KIAA1958: variants seen among roughly 807,000 people sequenced by gnomAD.
The protein encoded by KIAA1958 is KIAA1958, also known as uncharacterized protein KIAA1958.
KIAA1958 carries 14 observed loss-of-function variants against 47.2 expected under a neutral mutation model. That is an observed-to-expected ratio of 0.30 (90% CI 0.20 to 0.46). KIAA1958 has a LOEUF of 0.46. KIAA1958 is among the 20% of genes least tolerant of loss of function. KIAA1958 has a pLI of 1.00. For missense variants in KIAA1958, 803 were observed against 909.2 expected (o/e 0.88, Z 1.50); for synonymous variants, 354 against 353.3 (o/e 1.00, Z -0.02).
intron 1 of KIAA1958, among the ~76,000 whole-genome samples, chr9:112,516,311 A>T (rs1056548479): frequency 6.6e-6 from 1 of 151,838 alleles, no homozygotes; most frequent in African/African-American, 2.4e-5. Context: ...ATTTCTATAT[A>T]TTAGCAACAA....
intron 2 of KIAA1958, among the ~76,000 whole-genome samples, chr9:112,625,917 G>T (rs1419695620): frequency 1.3e-5 from 2 of 152,190 alleles, no homozygotes; most frequent in East Asian, 3.8e-4. Flanking sequence ...ATCAATTCTA[G>T]TTATAGATTA....
rs1470072291 is a variant in KIAA1958 at position 112,525,720 on chromosome 9, CTGAA to C, written c.-25+38606_-25+38609del. ...ATAGAATTTCATAATTTTACTTTCT[CTGAA>C]TGAGAAAAGCCACATTGTGTCCTTG... On this transcript the variant is annotated intron_variant, in intron 1 of 3. Coordinates refer to ENST00000337530, the MANE Select transcript of KIAA1958 (RefSeq NM_133465.4). Among the ~76,000 whole-genome samples the C allele has an allele frequency of 3.3e-5, 5 of 151,926 alleles. No homozygotes were observed. In the South Asian group the frequency reaches 8.3e-4, roughly 25 times the overall value.
intron 2 of KIAA1958, among the ~76,000 whole-genome samples, chr9:112,583,164 A>G (rs1178451466): frequency 1.3e-5 from 2 of 152,166 alleles, no homozygotes; most frequent in Non-Finnish European, 2.9e-5. Flanking sequence ...CCCATAGGAG[A>G]AGCCAGAAAC....
chr9:112,655,773 G>C (rs563308290), intron 3 of KIAA1958, among the ~76,000 whole-genome samples: 5 of 152,304 alleles, frequency 3.3e-5, no homozygotes, highest in African/African-American at 9.6e-5. Context: ...ATCTTGAGTC[G>C]TGGTCCACCT....
Position 112,651,212 on chromosome 9 carries a change from C to A in KIAA1958, c.1344+5390C>A, listed in dbSNP as rs73543160. Among the ~76,000 whole-genome samples, 1,366 of 152,180 alleles carry A rather than the reference C, an allele frequency of 9.0e-3. 17 individuals are homozygous for A. The highest frequency in any genetic ancestry group is 0.031 in the African/African-American group (1,294 of 41,516). On this transcript the variant is annotated intron_variant, in intron 3 of 3. Transcript: ENST00000337530. Reference sequence around the variant, plus strand: ...TAGCACTCCAACCAAGTGCAGAATACAAATTCTTTCCAAATGCCATGGAAT... The same window carrying A: ...TAGCACTCCAACCAAGTGCAGAATAAAAATTCTTTCCAAATGCCATGGAAT...
chr9:112,496,542 A>G (rs1370842915), intron 1 of KIAA1958, among the ~76,000 whole-genome samples: 1 of 152,180 alleles, frequency 6.6e-6, no homozygotes, highest in Non-Finnish European at 1.5e-5. Flanking sequence ...AAGTTCACTT[A>G]TTGCTGCCTT....
intron 1 of KIAA1958, among the ~76,000 whole-genome samples, chr9:112,526,917 G>A (rs889911723): frequency 2.0e-5 from 3 of 152,150 alleles, no homozygotes; most frequent in Non-Finnish European, 4.4e-5. Context: ...GGACAGCTCC[G>A]GGAGGTACTG....
chr9:112,645,529 G>C, intron 2 of KIAA1958, 121 bp from the exon 3 acceptor site: 1 of 640,844 alleles, frequency 1.6e-6, no homozygotes. Flanking sequence ...TACTTTAATA[G>C]ACATTTCATG....
chr9:112,625,833 A>G (rs1836600235), intron 2 of KIAA1958, among the ~76,000 whole-genome samples: 1 of 152,214 alleles, frequency 6.6e-6, no homozygotes, highest in African/African-American at 2.4e-5. Context: ...CTTTGATTCT[A>G]ACAAACATCT....
At chr9:112,645,589 G>A (rs1376953304) in intron 2 of KIAA1958, 61 bp from the exon 3 acceptor site, 4 of 1,126,428 alleles carry the variant, frequency 3.6e-6, no homozygotes, top group African/African-American at 3.1e-5. Context: ...ATCCCAAGAT[G>A]TAATTCTCTA....
At chr9:112,614,895 C>G (rs1356594513) in intron 2 of KIAA1958, among the ~76,000 whole-genome samples, 1 of 152,166 alleles carries the variant, frequency 6.6e-6, no homozygotes, top group Non-Finnish European at 1.5e-5. Context: ...GTGACAACAT[C>G]CACACCAGCA....
chr9:112,619,345 T>G (rs1836459964), intron 2 of KIAA1958: 1 of 152,254 alleles, frequency 6.6e-6, no homozygotes, highest in South Asian at 2.1e-4. Flanking sequence ...ATTTTTTTAA[T>G]TTTTAAAATT....
chr9:112,511,997 C>G (rs568296313), intron 1 of KIAA1958, among the ~76,000 whole-genome samples: 3 of 152,154 alleles, frequency 2.0e-5, no homozygotes, highest in African/African-American at 7.2e-5. Flanking sequence ...CCTGAGCAGT[C>G]CTGTATCTGT....
At chr9:112,633,971 T>G (rs747135483) in intron 2 of KIAA1958, among the ~76,000 whole-genome samples, 2 of 152,198 alleles carry the variant, frequency 1.3e-5, no homozygotes, top group Non-Finnish European at 2.9e-5. Context: ...TGTACACGTT[T>G]CTGTTGGGTA....
intron 1 of KIAA1958, among the ~76,000 whole-genome samples, chr9:112,568,902 A>G (rs57103227): frequency 7.6e-6 from 1 of 131,962 alleles, no homozygotes; most frequent in East Asian, 2.1e-4. Flanking sequence ...AAAAAAAAAA[A>G]AAAATAGAGC....
At position 112,575,053 on chromosome 9, in the gene KIAA1958, T is replaced by G; in HGVS notation, c.973T>G (p.Leu325Val). The stretch of plus-strand genomic sequence containing the variant: ...TCCTAACAAACAGATCAGTATCCCC[T>G]TGTCTGCCCTGCAGCTGCCTGGACA... ...SHPNKQISIP[L>V]SALQLPGQDE... Residue 325 changes from leucine to valine, a missense_variant, in exon 2 of 4, where the codon TTG becomes GTG. This residue lies in a region of KIAA1958 where 761 missense variants were observed against 829.3 expected (regional missense o/e 0.92). Coordinates refer to ENST00000337530, the MANE Select transcript of KIAA1958 (RefSeq NM_133465.4). 2 of 1,613,896 alleles carry G rather than the reference T, an allele frequency of 1.2e-6. No individual in the cohort carries two copies. Among genetic ancestry groups the G allele is most frequent in the Non-Finnish European group, 1.7e-6 (2 of 1,180,016 alleles).
At chr9:112,600,691 G>A (rs1248597871) in intron 2 of KIAA1958, among the ~76,000 whole-genome samples, 1 of 152,202 alleles carries the variant, frequency 6.6e-6, no homozygotes, top group African/African-American at 2.4e-5. Context: ...CCTGACTTCA[G>A]TAGCCTTTGT....
At chr9:112,568,457 T>C (rs1432216876) in intron 1 of KIAA1958, among the ~76,000 whole-genome samples, 2 of 152,228 alleles carry the variant, frequency 1.3e-5, no homozygotes, top group Non-Finnish European at 2.9e-5. Flanking sequence ...AACATTGTGG[T>C]AATGTACCTT....
intron 1 of KIAA1958, among the ~76,000 whole-genome samples, chr9:112,557,869 A>G (rs769854981): frequency 2.0e-5 from 3 of 152,242 alleles, no homozygotes; most frequent in Non-Finnish European, 2.9e-5. Flanking sequence ...AGAAAATGTT[A>G]TAGGAATAAA....
Sources: allele counts gnomAD v4.1 joint callset (sites outside exome capture counted in the v4.1 genomes callset), GRCh38; gene constraint gnomAD v4.1.1; regional missense constraint gnomAD v4.1.1; transcripts MANE v1.5; gene names NCBI Gene and HGNC (gene_info 2026-07-23, HGNC 2026-07-21).